Variants in BTRC observed in about 807,000 individuals in gnomAD.
BTRC encodes the protein beta-transducin repeat containing E3 ubiquitin protein ligase.
BTRC carries 42 observed loss-of-function variants against 85.5 expected under a neutral mutation model. The ratio of observed to expected loss-of-function variants is 0.49; its 90% CI spans 0.38 to 0.64. BTRC has a LOEUF of 0.64. Among genes scored for constraint, BTRC ranks in the 30% least tolerant of loss-of-function variants. BTRC has a pLI of 0.00. For synonymous variants in BTRC, 255 were observed against 263.3 expected (o/e 0.97, Z 0.30); for missense variants, 594 against 743.5 (o/e 0.80, Z 2.34).
At chr10:101,409,939 T>C (rs1943731717) in intron 1 of BTRC, among the ~76,000 whole-genome samples, 1 of 152,238 alleles carries the variant, frequency 6.6e-6, no homozygotes, top group Admixed American at 6.5e-5. Flanking sequence ...AGTAGGTATA[T>C]ACCAAAATTG....
At chr10:101,509,243 A>ATTTTTTT (rs71016330) in intron 4 of BTRC, among the ~76,000 whole-genome samples, 6 of 69,916 alleles carry the variant, frequency 8.6e-5, no homozygotes, top group African/African-American at 2.1e-4. Flanking sequence ...GGCAATGTGG[A>ATTTTTTT]TTTTTTTTTT....
Position 101,534,777 on chromosome 10 carries a change from T to A in BTRC, c.1214T>A (p.Ile405Asn). The A allele has an allele frequency of 6.2e-7, 1 of 1,614,164 alleles. No individual in the cohort carries two copies. The highest frequency in any genetic ancestry group is 8.5e-7 in the Non-Finnish European group (1 of 1,180,030). The change falls in exon 10 of 15, where the codon ATT (isoleucine) becomes AAT (asparagine). Residue 405 changes from isoleucine to asparagine, a missense_variant. Physicochemically the swap from Ile to Asn is moderately radical, Grantham distance 149 (BLOSUM62 -3). Around this residue, in one of 4 missense-constraint regions of BTRC, gnomAD observed 373 missense variants for 503.6 expected, o/e 0.74. Coordinates refer to ENST00000370187, the MANE Select transcript of BTRC (RefSeq NM_033637.4). Reference sequence around the variant, plus strand: ...GTGACCTGCTCCAAAGATCGTTCCATTGCTGTATGGGATATGGCCTCCCCA... The same window carrying A: ...GTGACCTGCTCCAAAGATCGTTCCAATGCTGTATGGGATATGGCCTCCCCA... ...MMVTCSKDRS[I>N]AVWDMASPTD... is the part of the protein sequence containing the mutation.
intron 4 of BTRC, among the ~76,000 whole-genome samples, chr10:101,514,021 CT>C (rs1280524192): frequency 6.6e-6 from 1 of 152,150 alleles, no homozygotes; most frequent in East Asian, 1.9e-4. Flanking sequence ...TCCCTAATGA[CT>C]AATAATGTTG....
intron 1 of BTRC, among the ~76,000 whole-genome samples, chr10:101,359,772 G>GT (rs1442899422): frequency 6.6e-6 from 1 of 151,832 alleles, no homozygotes; most frequent in African/African-American, 2.4e-5. Flanking sequence ...AGCTAATTTT[G>GT]TATTTTTGGT....
In BTRC at chr10:101,553,489, C is replaced by G. The variant is rs1185180192; in HGVS notation, c.*366C>G. On this transcript the variant is annotated 3_prime_UTR_variant, in exon 15 of 15. Transcript: ENST00000370187. The stretch of plus-strand genomic sequence containing the variant: ...AATATATTTAGTGTTTTGCCAGAAT[C>G]TCTCTTGCTTTGCCATTAAGCAGAA... The G allele has an allele frequency of 2.0e-5, 3 of 152,638 alleles. No individual in the cohort carries two copies. The highest frequency in any genetic ancestry group is 4.4e-5 in the Non-Finnish European group (3 of 68,050). 9.5% of individuals were successfully genotyped at this position (152,638 alleles called of 1,614,324 possible).
chr10:101,475,948 T>TATATATATATATATATATATATATAC (rs1564795659), intron 3 of BTRC, among the ~76,000 whole-genome samples: 2 of 132,278 alleles, frequency 1.5e-5, no homozygotes, highest in Non-Finnish European at 3.2e-5. Context: ...TATATATATA[T>TATATATATATATATATATATATATAC]ATATATTCAG....
At chr10:101,406,888 A>G (rs117550974) in intron 1 of BTRC, among the ~76,000 whole-genome samples, 8,694 of 152,038 alleles carry the variant, frequency 0.057, 284 homozygotes, top group Non-Finnish European at 0.074. Flanking sequence ...TTTTACTTTT[A>G]ATTTATTGGT....
intron 4 of BTRC, among the ~76,000 whole-genome samples, chr10:101,510,054 TA>T (rs2134325831): frequency 6.6e-6 from 1 of 151,814 alleles, no homozygotes; most frequent in South Asian, 2.1e-4. Flanking sequence ...TAATCCCAGC[TA>T]CCTGGGAGGC....
At chr10:101,368,328 C>T (rs1942529911) in intron 1 of BTRC, among the ~76,000 whole-genome samples, 1 of 152,174 alleles carries the variant, frequency 6.6e-6, no homozygotes, top group Admixed American at 6.5e-5. Flanking sequence ...GATGCTAGCA[C>T]CATGCTTCTT....
At chr10:101,355,956 T>G (rs1473793790) in intron 1 of BTRC, among the ~76,000 whole-genome samples, 1 of 152,216 alleles carries the variant, frequency 6.6e-6, no homozygotes, top group Admixed American at 6.5e-5. Flanking sequence ...TAAGTGAAAG[T>G]TACTACACTT....
At chr10:101,528,146 A>G (rs976608393) in intron 6 of BTRC, among the ~76,000 whole-genome samples, 56 of 152,332 alleles carry the variant, frequency 3.7e-4, no homozygotes, top group African/African-American at 1.2e-3. Context: ...TCCTTTAGCT[A>G]TAAAGGTTCT....
At chr10:101,522,366 A>C (rs866354183) in intron 5 of BTRC, among the ~76,000 whole-genome samples, 4 of 66,298 alleles carry the variant, frequency 6.0e-5, no homozygotes, top group South Asian at 4.9e-4. Flanking sequence ...AAAAAAAAAA[A>C]CAAAAAAAAA....
chr10:101,432,861 C>T (rs1288418348), intron 2 of BTRC, among the ~76,000 whole-genome samples: 1 of 152,144 alleles, frequency 6.6e-6, no homozygotes, highest in Non-Finnish European at 1.5e-5. Flanking sequence ...TGTGACAATA[C>T]TCACAGAGTA....
At chr10:101,431,132 A>G (rs1309448379) in intron 2 of BTRC, among the ~76,000 whole-genome samples, 5 of 131,952 alleles carry the variant, frequency 3.8e-5, no homozygotes, top group Non-Finnish European at 6.1e-5. Context: ...GCTGGAGTGC[A>G]GTGGCGTGAT....
chr10:101,435,987 C>G (rs1000907764), intron 2 of BTRC, among the ~76,000 whole-genome samples: 1 of 151,986 alleles, frequency 6.6e-6, no homozygotes, highest in Non-Finnish European at 1.5e-5. Flanking sequence ...GGATTATTCC[C>G]AGTAGCTCAA....
chr10:101,473,220 G>A (rs1410737274), intron 3 of BTRC, among the ~76,000 whole-genome samples: 3 of 130,668 alleles, frequency 2.3e-5, no homozygotes, highest in African/African-American at 8.8e-5. Flanking sequence ...TTTTTTTTTC[G>A]GTTTATCTGT....
rs192732825 is a variant in BTRC at position 101,447,048 on chromosome 10, G to A, written c.157-14933G>A. 1.5e-3 allele frequency among the ~76,000 whole-genome samples: 235 copies of A among 152,220 alleles called. 2 individuals carry two copies. The highest frequency in any genetic ancestry group is 5.3e-3 in the African/African-American group (222 of 41,530). ...ATAGAAGCATGCAGCTAGTGTTCGC[G>A]TGCAGGTTGGACTTTTTGCGGGTCA... is the stretch of plus-strand genomic sequence containing the variant. On this transcript the variant is annotated intron_variant, in intron 2 of 14. Transcript: ENST00000370187.
Position 101,548,792 on chromosome 10 carries a change from G to A in BTRC, c.1657-1907G>A, listed in dbSNP as rs558066133. Among the ~76,000 whole-genome samples, 8 of 151,750 alleles carry A rather than the reference G, an allele frequency of 5.3e-5. No individual in the cohort carries two copies. In the South Asian group the frequency reaches 1.7e-3, roughly 32 times the overall value. ...AGGCATGGCTGGGCACAGTAGCTAA[G>A]GCCTGTAATCCCAACACTTTGGGAG... On this transcript the variant is annotated intron_variant, in intron 13 of 14. Transcript: ENST00000370187.
chr10:101,532,003 G>A (rs1321826452), intron 7 of BTRC, among the ~76,000 whole-genome samples: 1 of 152,172 alleles, frequency 6.6e-6, no homozygotes, highest in Non-Finnish European at 1.5e-5. Context: ...ATAACCTCAC[G>A]TAGTTCGTAG....
Sources: gnomAD v4.1 joint callset for allele counts (sites outside exome capture counted in the v4.1 genomes callset) on GRCh38, gnomAD v4.1.1 for gene constraint, gnomAD v4.1.1 regional missense constraint, MANE v1.5 for transcripts, NCBI Gene and HGNC (gene_info 2026-07-23, HGNC 2026-07-21) for gene names.